ANGPT4: variants seen among roughly 807,000 people sequenced by gnomAD.
The protein encoded by ANGPT4 is angiopoietin-4.
In ANGPT4, 50 loss-of-function variants were observed where a neutral mutation model predicts 53.0. The ratio of observed to expected loss-of-function variants is 0.94; its 90% CI spans 0.75 to 1.20. ANGPT4 has a LOEUF of 1.20. Ranked by LOEUF, ANGPT4 falls within the 50% of genes most tolerant of loss-of-function variation. ANGPT4 has a pLI of 0.00. For synonymous variants in ANGPT4, 251 were observed against 259.7 expected (o/e 0.97, Z 0.32); for missense variants, 648 against 637.1 (o/e 1.02, Z -0.18).
chr20:896,851 GT>G (rs1379520726), intron 1 of ANGPT4, among the ~76,000 whole-genome samples: 1 of 152,104 alleles, frequency 6.6e-6, no homozygotes, highest in Non-Finnish European at 1.5e-5. Flanking sequence ...ATAAATTCTG[GT>G]ATGTCTGGGC....
chr20:906,126 T>C (rs1256610902), intron 1 of ANGPT4, among the ~76,000 whole-genome samples: 1 of 152,176 alleles, frequency 6.6e-6, no homozygotes, highest in African/African-American at 2.4e-5. Context: ...GCATGACTAA[T>C]TAGATATTGT....
In ANGPT4 at chr20:906,408, C is replaced by A. The variant is rs186407652; in HGVS notation, c.309+9498G>T. ...CCTGAGTGCAACCACATGAAAAAAA[C>A]CCCAAGTCGGAACTACCTTGTTAAG... On this transcript the variant is annotated intron_variant, in intron 1 of 8. Transcript: ENST00000381922. 1.9e-3 allele frequency among the ~76,000 whole-genome samples: 284 copies of A among 152,302 alleles called. 8 individuals are homozygous for A. The East Asian group carries it at 0.046, about 25-fold the overall frequency.
intron 1 of ANGPT4, among the ~76,000 whole-genome samples, chr20:910,015 C>T (rs60302402): frequency 0.11 from 17,088 of 152,176 alleles, 1,827 homozygotes; most frequent in African/African-American, 0.28. Flanking sequence ...GACCAGGGTC[C>T]TCTATATTTT....
rs769911824 is a variant in ANGPT4, at chr20:885,188, C to A, written c.725G>T (p.Arg242Leu). The A allele has an allele frequency of 2.5e-6, 4 of 1,603,030 alleles. No homozygotes were observed. Among genetic ancestry groups the A allele is most frequent in the Non-Finnish European group, 3.4e-6 (4 of 1,174,854 alleles). The change falls in exon 4 of 9, where the codon CGC (arginine) becomes CTC (leucine). Residue 242 changes from arginine to leucine, a missense_variant. Transcript: ENST00000381922. ...GAGGCTGGAGTTGTGCCTGACACCG[C>A]GCAGGCCGCGCTCGATGTTGGTGAG... ...AALTNIERGL[R>L]GVRHNSSLLQ... is the part of the protein sequence containing the mutation.
chr20:912,919 C>CAGAT (rs1243200087), intron 1 of ANGPT4, among the ~76,000 whole-genome samples: 2 of 152,244 alleles, frequency 1.3e-5, no homozygotes, highest in African/African-American at 4.8e-5. Context: ...AGTGAGAATC[C>CAGAT]AGATTGGCTT....
chr20:887,887 GAGGA>G lies in ANGPT4; in HGVS notation c.587+427_587+430del, dbSNP rs59115029. Among the ~76,000 whole-genome samples the G allele has an allele frequency of 1.4e-3, 212 of 150,790 alleles. 1 individual carries two copies. Among genetic ancestry groups the G allele is most frequent in the South Asian group, 7.4e-3 (35 of 4,748 alleles). ...AAATTTACGAGATAAATAAAAGAAG[GAGGA>G]AGGAAGGAAGGAAGGAAGGAAAGGG... On this transcript the variant is annotated intron_variant, in intron 3 of 8. Transcript: ENST00000381922.
rs199898878 is a variant in ANGPT4, at chr20:875,032, C to CT, written c.1221-619dup. On this transcript the variant is annotated intron_variant, in intron 7 of 8. Coordinates refer to ENST00000381922, the MANE Select transcript of ANGPT4 (RefSeq NM_015985.4). ...ACCGTGCCCGGCAACGTTTCTTTTT[C>CT]TTTCTTTTTTTTCTATTCTTTGCAT... 5.8e-3 allele frequency among the ~76,000 whole-genome samples: 856 copies of CT among 148,498 alleles called. 13 individuals carry two copies. The highest frequency in any genetic ancestry group is 0.02 in the African/African-American group (809 of 40,492).
intron 2 of ANGPT4, among the ~76,000 whole-genome samples, chr20:888,728 G>A (rs1053677603): frequency 6.6e-6 from 1 of 152,184 alleles, no homozygotes; most frequent in Non-Finnish European, 1.5e-5. Context: ...GGTCCTGTCA[G>A]CCTTGCCTTC....
chr20:886,741 GA>G (rs1256728651), intron 3 of ANGPT4, among the ~76,000 whole-genome samples: 3 of 152,172 alleles, frequency 2.0e-5, no homozygotes, highest in Admixed American at 1.3e-4. Context: ...TACTGAAAGA[GA>G]AAAACCGAAT....
At chr20:881,335 A>T in intron 4 of ANGPT4, 49 bp from the exon 5 acceptor site, 1 of 1,557,734 alleles carries the variant, frequency 6.4e-7, no homozygotes. Context: ...AAGGAAAGAG[A>T]GAAGGGGCCA....
In ANGPT4 at chr20:878,249, G is replaced by A; in HGVS notation, c.1132C>T (p.Leu378=). The A allele has an allele frequency of 6.2e-7, 1 of 1,613,468 alleles. No individual in the cohort carries two copies. Among genetic ancestry groups the A allele is most frequent in the African/African-American group, 1.3e-5 (1 of 75,066 alleles). The stretch of plus-strand genomic sequence containing the variant: ...TCCCAGTCTTGCAGCTCCACACGCA[G>A]AGAGTAGGCTGCCCTTCTGGTGAGC... ...HQLTRRAAYS[L]RVELQDWEGH... The change falls in exon 7 of 9, where the codon CTG becomes TTG. Residue 378 remains leucine, a synonymous_variant. Coordinates refer to ENST00000381922, the MANE Select transcript of ANGPT4 (RefSeq NM_015985.4).
chr20:873,281 G>A (rs1205181548), intron 8 of ANGPT4, among the ~76,000 whole-genome samples, 161 bp from the exon 9 acceptor site: 1 of 151,958 alleles, frequency 6.6e-6, no homozygotes, highest in Non-Finnish European at 1.5e-5. Context: ...GTGGGGGTGG[G>A]GTGGACAACA....
Position 885,251 on chromosome 20 carries a change from G to A in ANGPT4, c.662C>T (p.Ala221Val), listed in dbSNP as rs1199880451. 2 of 1,583,126 alleles carry A rather than the reference G, an allele frequency of 1.3e-6. No homozygotes were observed. Among genetic ancestry groups the A allele is most frequent in the East Asian group, 2.3e-5 (1 of 43,570 alleles). Reference protein sequence around the residue: ...EELASILSKKAKLLNTLSRQS... With the variant: ...EELASILSKKVKLLNTLSRQS... Reference sequence around the variant, plus strand: ...GCGGCTCAGCGTGTTCAGCAGCTTCGCCTTCTTGCTGAGGATGCTGGCCAG... The same window carrying A: ...GCGGCTCAGCGTGTTCAGCAGCTTCACCTTCTTGCTGAGGATGCTGGCCAG... The change falls in exon 4 of 9, where the codon GCG becomes GTG. Residue 221 changes from alanine (A) to valine (V), a missense_variant. Ala to Val is a moderately conservative substitution (Grantham distance 64). Coordinates refer to ENST00000381922, the MANE Select transcript of ANGPT4 (RefSeq NM_015985.4).
rs371864935 is a variant in ANGPT4, at chr20:873,061, C to A, written c.1411G>T (p.Asp471Tyr). 1.4e-5 allele frequency: 22 copies of A among 1,613,946 alleles called. No homozygotes were observed. Among genetic ancestry groups the A allele is most frequent in the Non-Finnish European group, 1.8e-5 (21 of 1,180,026 alleles). The change falls in exon 9 of 9, where the codon GAC becomes TAC. Residue 471 changes from aspartate to tyrosine, a missense_variant. By Grantham distance (160) the Asp-to-Tyr change is radical (BLOSUM62 -3). Transcript: ENST00000381922. ...ATGCCGTCCATCTTGTACTTGTTGT[C>A]GGGAGCGTGGTAGTAGACGCCGTTG... ...NLNGVYYHAP[D>Y]NKYKMDGIRW...
At chr20:880,949 AC>A (rs1381475552) in intron 5 of ANGPT4, among the ~76,000 whole-genome samples, 1 of 152,200 alleles carries the variant, frequency 6.6e-6, no homozygotes, top group African/African-American at 2.4e-5. Flanking sequence ...CAGTTAAAGC[AC>A]CTCTGAAGTG....
chr20:913,053 G>T (rs368451072), intron 1 of ANGPT4, among the ~76,000 whole-genome samples: 2 of 152,122 alleles, frequency 1.3e-5, no homozygotes, highest in Admixed American at 1.3e-4. Flanking sequence ...TGGGATTCGC[G>T]ACAGGAAGGA....
intron 1 of ANGPT4, among the ~76,000 whole-genome samples, chr20:898,992 C>A (rs1982167622): frequency 6.6e-6 from 1 of 152,206 alleles, no homozygotes. Context: ...GACTCCTTCC[C>A]AGATCTTCTC....
At position 874,274 on chromosome 20, in the gene ANGPT4, C is replaced by A; in HGVS notation, c.1351+10G>T. 1.9e-6 allele frequency: 3 copies of A among 1,613,856 alleles called. No individual in the cohort carries two copies. In the South Asian group the frequency reaches 3.3e-5, roughly 18 times the overall value. On this transcript the variant is annotated intron_variant, in intron 8 of 8. Transcript: ENST00000381922. ...TGGGTGGGCGGAGCTTCACCCCACCCTGCACCTACCTCCAGACATCACTTG... is the reference window on the plus strand; with the variant it reads ...TGGGTGGGCGGAGCTTCACCCCACCATGCACCTACCTCCAGACATCACTTG...
intron 1 of ANGPT4, among the ~76,000 whole-genome samples, chr20:910,454 C>T (rs1982653463): frequency 6.6e-6 from 1 of 152,092 alleles, no homozygotes; most frequent in African/African-American, 2.4e-5. Context: ...TGAGTGGTAC[C>T]CCTGGGACTT....
Sources: gnomAD v4.1 joint callset for allele counts (sites outside exome capture counted in the v4.1 genomes callset) on GRCh38, gnomAD v4.1.1 for gene constraint, MANE v1.5 for transcripts, NCBI Gene and HGNC (gene_info 2026-07-23, HGNC 2026-07-21) for gene names.